Variants in SNX8 observed in about 807,000 individuals in gnomAD.
The protein encoded by SNX8 is sorting nexin 8, also known as sorting nexin-8.
SNX8 carries 25 observed loss-of-function variants against 51.6 expected under a neutral mutation model. The ratio of observed to expected loss-of-function variants is 0.48; its 90% CI spans 0.35 to 0.68. The LOEUF (loss-of-function observed/expected upper bound fraction) is 0.68, where lower values mean the gene tolerates loss of function less well. Ranked by LOEUF, SNX8 falls within the 30% of genes least tolerant of loss-of-function variation. SNX8 has a pLI of 0.00. For missense variants in SNX8, 695 were observed against 624.0 expected (o/e 1.11, Z -1.21); for synonymous variants, 324 against 277.0 (o/e 1.17, Z -1.68).
At chr7:2,261,824 C>A (rs1010902706) in intron 7 of SNX8, among the ~76,000 whole-genome samples, 4 of 152,224 alleles carry the variant, frequency 2.6e-5, no homozygotes, top group African/African-American at 9.6e-5. Flanking sequence ...ACGTCACGGG[C>A]ACCTGAGCGC....
At chr7:2,321,190 A>C (rs1193062178) in intron 1 of SNX8, among the ~76,000 whole-genome samples, 1 of 152,142 alleles carries the variant, frequency 6.6e-6, no homozygotes, top group Admixed American at 6.6e-5. Flanking sequence ...AGCCAGGGCT[A>C]CAGGTGGGAA....
chr7:2,260,014 G>C (rs945011284), intron 7 of SNX8, among the ~76,000 whole-genome samples: 3 of 152,122 alleles, frequency 2.0e-5, no homozygotes, highest in African/African-American at 4.8e-5. Context: ...AAGAAAGAGA[G>C]AGAGAAAGAA....
chr7:2,325,321 G>C (rs759656139), intron 1 of SNX8, among the ~76,000 whole-genome samples: 1 of 152,140 alleles, frequency 6.6e-6, no homozygotes, highest in Non-Finnish European at 1.5e-5. Context: ...GAAAAGTTTT[G>C]AGGTGGATAC....
intron 1 of SNX8, among the ~76,000 whole-genome samples, chr7:2,303,073 C>G (rs1464269484): frequency 2.0e-5 from 3 of 149,506 alleles, no homozygotes; most frequent in African/African-American, 2.5e-5. Flanking sequence ...GTCAGCCCCC[C>G]ACCCGGCCAG....
intron 1 of SNX8, among the ~76,000 whole-genome samples, chr7:2,302,267 T>G (rs1377729767): frequency 6.6e-6 from 1 of 152,176 alleles, no homozygotes; most frequent in Admixed American, 6.5e-5. Context: ...CACGCCTGAC[T>G]GGTTTTCGTA....
intron 1 of SNX8, among the ~76,000 whole-genome samples, chr7:2,341,702 C>T (rs1022843131): frequency 1.1e-4 from 17 of 151,880 alleles, no homozygotes; most frequent in African/African-American, 4.1e-4. Flanking sequence ...TAAAAACAAG[C>T]ATCGGCCACG....
chr7:2,313,844 C>G (rs1405590731), intron 1 of SNX8, among the ~76,000 whole-genome samples: 2 of 152,202 alleles, frequency 1.3e-5, no homozygotes, highest in Non-Finnish European at 2.9e-5. Flanking sequence ...ACAGAGGTCC[C>G]GAGAGGTGAA....
chr7:2,334,163 C>T (rs767897757), intron 1 of SNX8, among the ~76,000 whole-genome samples: 2 of 152,094 alleles, frequency 1.3e-5, no homozygotes, highest in African/African-American at 4.8e-5. Flanking sequence ...TGCCTGTAAT[C>T]CCAGCTGAGG....
intron 1 of SNX8, among the ~76,000 whole-genome samples, chr7:2,350,670 A>G (rs1779119842): frequency 6.6e-6 from 1 of 151,892 alleles, no homozygotes; most frequent in African/African-American, 2.4e-5. Flanking sequence ...TTTTTGACAC[A>G]GAGTCTCACT....
intron 1 of SNX8, among the ~76,000 whole-genome samples, chr7:2,287,065 G>A (rs1454772236): frequency 6.6e-6 from 1 of 151,584 alleles, no homozygotes; most frequent in African/African-American, 2.4e-5. Context: ...TTGAACTCAG[G>A]AGGCAGAGGT....
Position 2,255,151 on chromosome 7 carries a change from C to T in SNX8, c.1303G>A (p.Asp435Asn). 9 of 1,557,176 alleles carry T rather than the reference C, an allele frequency of 5.8e-6. No individual in the cohort carries two copies. Among genetic ancestry groups the T allele is most frequent in the South Asian group, 4.7e-5 (4 of 84,592 alleles). Residue 435 changes from aspartate (D) to asparagine (N), a missense_variant, in exon 11 of 11, where the codon GAC (aspartate) becomes AAC (asparagine). Asp to Asn is a conservative substitution (Grantham distance 23). Coordinates refer to ENST00000222990, the MANE Select transcript of SNX8 (RefSeq NM_013321.4). ...AGGCAGCTGAGCTTGGGCCTCAGGT[C>T]GTTCCACACCTTGCTCATCTGAAAG... ...GHKEMSKVWN[D>N]LRPKLSCLFA...
intron 1 of SNX8, among the ~76,000 whole-genome samples, chr7:2,352,739 G>A (rs1033304007): frequency 6.6e-6 from 1 of 152,116 alleles, no homozygotes; most frequent in African/African-American, 2.4e-5. Flanking sequence ...GGGAGGCTGA[G>A]GCAAGAGAAT....
At chr7:2,294,529 G>T (rs112816210) in intron 1 of SNX8, among the ~76,000 whole-genome samples, 6 of 152,300 alleles carry the variant, frequency 3.9e-5, no homozygotes, top group African/African-American at 1.4e-4. Context: ...AGGCCCAGCG[G>T]GTGATGACCT....
intron 1 of SNX8, among the ~76,000 whole-genome samples, chr7:2,291,768 C>T (rs189543781): frequency 5.3e-5 from 8 of 152,196 alleles, no homozygotes; most frequent in Admixed American, 5.2e-4. Context: ...ATCAGTCCTT[C>T]CTTCCTTCAC....
At chr7:2,264,153 G>T in intron 6 of SNX8, 145 bp downstream of exon 6, 1 of 717,572 alleles carries the variant, frequency 1.4e-6, no homozygotes, top group Non-Finnish European at 2.2e-6. Flanking sequence ...CCCCCCATGT[G>T]CCTGAGCCAC....
At chr7:2,301,095 T>C (rs1189394071) in intron 1 of SNX8, among the ~76,000 whole-genome samples, 5 of 152,220 alleles carry the variant, frequency 3.3e-5, no homozygotes, top group African/African-American at 7.2e-5. Context: ...TCTGAAAAGA[T>C]AAAAAGGACC....
At chr7:2,314,615 C>T (rs1796725300), upstream of SNX8, among the ~76,000 whole-genome samples, 1 of 152,230 alleles carries the variant, frequency 6.6e-6, no homozygotes, top group Admixed American at 6.5e-5. Context: ...TAGCCACGCC[C>T]ACATGCCCCT....
At chr7:2,256,779 G>T in intron 10 of SNX8, 95 bp downstream of exon 10, 2 of 1,323,284 alleles carry the variant, frequency 1.5e-6, no homozygotes, top group East Asian at 2.4e-5. Flanking sequence ...AACCTCTCTA[G>T]GGCGGCCGGC....
chr7:2,329,413 C>G (rs1433662958), intron 1 of SNX8, among the ~76,000 whole-genome samples: 1 of 152,224 alleles, frequency 6.6e-6, no homozygotes, highest in African/African-American at 2.4e-5. Flanking sequence ...CCGGCCTAGT[C>G]GGCACACAGT....
Sources: allele counts gnomAD v4.1 joint callset (sites outside exome capture counted in the v4.1 genomes callset), GRCh38; gene constraint gnomAD v4.1.1; transcripts MANE v1.5; gene names NCBI Gene and HGNC (gene_info 2026-07-23, HGNC 2026-07-21).